ADAM32: variants seen among roughly 807,000 people sequenced by gnomAD.
The protein encoded by ADAM32 is disintegrin and metalloproteinase domain-containing protein 32.
Under a neutral mutation model 114.9 loss-of-function variants are expected in ADAM32, and 89 were observed. That is an observed-to-expected ratio of 0.77 (90% CI 0.65 to 0.92). ADAM32 has a LOEUF of 0.92. Ranked by LOEUF, ADAM32 falls within the 40% of genes least tolerant of loss-of-function variation. The pLI, the probability that ADAM32 is intolerant of heterozygous loss-of-function variation, is 0.00. For missense variants in ADAM32, 870 were observed against 932.8 expected, an observed-to-expected ratio of 0.93 and a Z score of 0.88; for synonymous variants, 285 against 307.5, an observed-to-expected ratio of 0.93 and a Z score of 0.77.
intron 11 of ADAM32, among the ~76,000 whole-genome samples, chr8:39,201,015 TG>T (rs888398608): frequency 1.8e-3 from 281 of 152,346 alleles, no homozygotes; most frequent in African/African-American, 6.5e-3. Flanking sequence ...CATGCTGTTT[TG>T]GTTACTGTAG....
chr8:39,162,149 A>C, intron 7 of ADAM32, among the ~76,000 whole-genome samples: 1 of 130,644 alleles, frequency 7.7e-6, no homozygotes, highest in African/African-American at 2.8e-5. Flanking sequence ...TCCTAATGCT[A>C]TCCCTCCCCC....
At chr8:39,124,009 C>CTTT (rs921833803) in intron 2 of ADAM32, among the ~76,000 whole-genome samples, 2 of 143,524 alleles carry the variant, frequency 1.4e-5, no homozygotes, top group African/African-American at 5.1e-5. Flanking sequence ...GCCTGGCCTT[C>CTTT]TTTTTTTTTT....
chr8:39,254,300 G>A (rs1811493879), intron 17 of ADAM32, 114 bp from the exon 18 acceptor site: 2 of 711,134 alleles, frequency 2.8e-6, no homozygotes, highest in Non-Finnish European at 4.2e-6. Context: ...ATGTGAGACT[G>A]TCGCTCTAAA....
At chr8:39,164,287 T>C (rs1804694572) in intron 7 of ADAM32, among the ~76,000 whole-genome samples, 1 of 152,256 alleles carries the variant, frequency 6.6e-6, no homozygotes, top group Non-Finnish European at 1.5e-5. Context: ...TTGAGATTTA[T>C]CCAGGCAGTT....
At chr8:39,113,791 A>G (rs1840263543) in intron 1 of ADAM32, among the ~76,000 whole-genome samples, 2 of 152,130 alleles carry the variant, frequency 1.3e-5, no homozygotes, top group Non-Finnish European at 2.9e-5. Context: ...GGAAATCAAA[A>G]CGGTCAGTGT....
At chr8:39,131,998 AT>A in intron 2 of ADAM32, 2 of 317,782 alleles carry the variant, frequency 6.3e-6, no homozygotes, top group Non-Finnish European at 1.3e-5. Flanking sequence ...GGTTCAAACG[AT>A]TTTCCTGCCT....
chr8:39,246,688 A>T (rs1810949879), intron 17 of ADAM32, among the ~76,000 whole-genome samples: 1 of 152,226 alleles, frequency 6.6e-6, no homozygotes, highest in Admixed American at 6.5e-5. Context: ...ATAATTGATG[A>T]CCTACAAGGA....
rs892274949 is a variant in ADAM32 at position 39,107,795 on chromosome 8, T to C, written c.20T>C (p.Leu7Pro). The C allele has an allele frequency of 6.4e-7, 1 of 1,550,400 alleles. No individual in the cohort carries two copies. The change falls in exon 1 of 25, where the codon CTG (leucine) becomes CCG (proline). Residue 7 changes from leucine to proline, a missense_variant. Physicochemically the swap from Leu to Pro is moderately conservative, Grantham distance 98. Coordinates refer to ENST00000379907, the MANE Select transcript of ADAM32 (RefSeq NM_145004.7). MFRLWL[L>P]LAGLCGLLAS... Reference sequence around the variant, plus strand: ...CGCACCATGTTCCGCCTCTGGTTGCTGCTGGCCGGGCTCTGCGGCCTCCTG... The same window carrying C: ...CGCACCATGTTCCGCCTCTGGTTGCCGCTGGCCGGGCTCTGCGGCCTCCTG...
chr8:39,138,927 A>G (rs1398213465), intron 3 of ADAM32, among the ~76,000 whole-genome samples: 1 of 152,204 alleles, frequency 6.6e-6, no homozygotes, highest in Non-Finnish European at 1.5e-5. Flanking sequence ...ATGACCAGTG[A>G]TGATGAGCAT....
At chr8:39,273,435 G>A (rs1812864173) in intron 20 of ADAM32, among the ~76,000 whole-genome samples, 1 of 152,148 alleles carries the variant, frequency 6.6e-6, no homozygotes, top group Non-Finnish European at 1.5e-5. Flanking sequence ...GGTGAGGCAG[G>A]AGAATCGCTT....
Position 39,233,756 on chromosome 8 carries a change from G to C in ADAM32, c.1635-143G>C, listed in dbSNP as rs1416011533. 159 of 519,052 alleles carry C rather than the reference G, an allele frequency of 3.1e-4. 1 individual carries two copies. Among genetic ancestry groups the C allele is most frequent in the Non-Finnish European group, 6.2e-6 (2 of 323,838 alleles). 32.2% of individuals were successfully genotyped at this position (519,052 alleles called of 1,614,324 possible). On this transcript the variant is annotated intron_variant, in intron 15 of 24. Coordinates refer to ENST00000379907, the MANE Select transcript of ADAM32 (RefSeq NM_145004.7). ...TTATACTTTTTTTACTTTTTACTTT[G>C]TTACCGTGAAAACATTAACGTTTTC...
rs1383237291 is a variant in ADAM32, at chr8:39,211,305, G to T, written c.1214G>T (p.Cys405Phe). Residue 405 changes from cysteine to phenylalanine, a missense_variant, in exon 12 of 25, where the codon TGT becomes TTT. Cys to Phe is a radical substitution (Grantham distance 205). Transcript: ENST00000379907. The stretch of plus-strand genomic sequence containing the variant: ...GGCAGATTGGAGGGAAATGAAATCT[G>T]TGATTGTGGTACTGAGGCTGTAAGT... ...GNGRLEGNEI[C>F]DCGTEAQCGP... The T allele has an allele frequency of 2.6e-6, 4 of 1,563,314 alleles. No individual in the cohort carries two copies. Among genetic ancestry groups the T allele is most frequent in the Non-Finnish European group, 3.5e-6 (4 of 1,156,258 alleles).
chr8:39,158,243 A>ATGACTTG (rs1278053851), intron 6 of ADAM32: 5 of 25,922 alleles, frequency 1.9e-4, no homozygotes, highest in East Asian at 5.3e-3. Context: ...TAGATATTCA[A>ATGACTTG]GCATGCTGTT....
chr8:39,110,486 T>G (rs1207684732), intron 1 of ADAM32, among the ~76,000 whole-genome samples: 3 of 152,226 alleles, frequency 2.0e-5, no homozygotes, highest in Admixed American at 6.5e-5. Context: ...CAGTTATGAA[T>G]AAAGCTGCTA....
Position 39,159,978 on chromosome 8 carries a change from C to T in ADAM32, c.526-919C>T, listed in dbSNP as rs116626367. On this transcript the variant is annotated intron_variant, in intron 6 of 24. Coordinates refer to ENST00000379907, the MANE Select transcript of ADAM32 (RefSeq NM_145004.7). ...CTTTTTTCCCCCCTCAAGCATTGTCCTGTTTTTTATTTTTATGTTTTTTTC... is the reference window on the plus strand; with the variant it reads ...CTTTTTTCCCCCCTCAAGCATTGTCTTGTTTTTTATTTTTATGTTTTTTTC... Among the ~76,000 whole-genome samples the T allele has an allele frequency of 4.0e-3, 616 of 152,206 alleles. 7 individuals are homozygous for T. The highest frequency in any genetic ancestry group is 0.014 in the African/African-American group (585 of 41,496).
At chr8:39,282,569 T>C (rs951760489) in intron 23 of ADAM32, among the ~76,000 whole-genome samples, 3 of 152,194 alleles carry the variant, frequency 2.0e-5, no homozygotes, top group African/African-American at 7.2e-5. Flanking sequence ...CAGAAAGGTA[T>C]TTGGTGATTA....
chr8:39,244,596 A>G (rs1810774542), intron 16 of ADAM32, among the ~76,000 whole-genome samples: 1 of 152,222 alleles, frequency 6.6e-6, no homozygotes, highest in Admixed American at 6.5e-5. Context: ...GGCAAGCCAC[A>G]TGTAGAAAAA....
intron 9 of ADAM32, chr8:39,165,423 T>A (rs530442801): frequency 7.6e-5 from 28 of 370,758 alleles, no homozygotes; most frequent in East Asian, 2.5e-4. Flanking sequence ...ATTGAGAGTT[T>A]CAAGAGGTTA....
chr8:39,270,631 T>C (rs917814796), intron 19 of ADAM32, among the ~76,000 whole-genome samples: 3 of 152,116 alleles, frequency 2.0e-5, no homozygotes, highest in Non-Finnish European at 4.4e-5. Flanking sequence ...AAAAGCAAAT[T>C]TGGGTGTTTT....
Sources: gnomAD v4.1 joint callset for allele counts (sites outside exome capture counted in the v4.1 genomes callset) on GRCh38, gnomAD v4.1.1 for gene constraint, MANE v1.5 for transcripts, NCBI Gene and HGNC (gene_info 2026-07-23, HGNC 2026-07-21) for gene names.